RNF217: variants seen among roughly 807,000 people sequenced by gnomAD.
RNF217 encodes the protein ring finger protein 217.
RNF217 carries 31 observed loss-of-function variants against 57.8 expected under a neutral mutation model. The ratio of observed to expected loss-of-function variants is 0.54; its 90% CI spans 0.40 to 0.72. RNF217 has a LOEUF of 0.72. RNF217 is among the 30% of genes least tolerant of loss of function. The pLI, the probability that RNF217 is intolerant of heterozygous loss-of-function variation, is 0.00. For missense variants in RNF217, 696 were observed against 708.3 expected (o/e 0.98, Z 0.20); for synonymous variants, 313 against 294.0 (o/e 1.06, Z -0.66).
chr6:125,066,329 T>C (rs554999), intron 3 of RNF217, among the ~76,000 whole-genome samples: 101,100 of 152,084 alleles, frequency 0.66, 35,626 homozygotes, highest in African/African-American at 0.89. Flanking sequence ...AAAAGTTAGT[T>C]CTATGATGAC....
rs1356827281 is a variant in RNF217, at chr6:124,963,200, A to ACGG, written c.661_663dup (p.Gly221dup). 38 of 1,535,460 alleles carry ACGG rather than the reference A, an allele frequency of 2.5e-5. No individual in the cohort carries two copies. Among genetic ancestry groups the ACGG allele is most frequent in the Middle Eastern group, 1.7e-4 (1 of 6,012 alleles). ...CTCCCAACGGATTCCCTCTCCCCCG[A>ACGG]CGGCGGCAGCATCGAGCTGGAGTTC... On this transcript the variant is annotated inframe_insertion, in exon 1 of 6. Coordinates refer to ENST00000521654, the MANE Select transcript of RNF217 (RefSeq NM_001286398.3).
intron 1 of RNF217, among the ~76,000 whole-genome samples, chr6:125,018,901 A>C (rs1036883895): frequency 6.6e-6 from 1 of 152,226 alleles, no homozygotes; most frequent in East Asian, 1.9e-4. Flanking sequence ...AATCCATATA[A>C]AGGGTGGTAA....
intron 1 of RNF217, among the ~76,000 whole-genome samples, chr6:125,043,702 A>T (rs1786976728): frequency 6.6e-6 from 1 of 152,076 alleles, no homozygotes; most frequent in Non-Finnish European, 1.5e-5. Context: ...ACGTAATTTG[A>T]ATTATAATAG....
intron 3 of RNF217, among the ~76,000 whole-genome samples, chr6:125,059,402 C>G (rs530999): frequency 0.023 from 3,491 of 152,182 alleles, 124 homozygotes; most frequent in African/African-American, 0.076. Flanking sequence ...GGCCTTCCCC[C>G]CTTTCTCTTG....
At chr6:124,976,505 A>G (rs1407734358) in intron 1 of RNF217, among the ~76,000 whole-genome samples, 4 of 151,778 alleles carry the variant, frequency 2.6e-5, no homozygotes. Flanking sequence ...CCTGACCTCA[A>G]GATCCACCTG....
intron 1 of RNF217, among the ~76,000 whole-genome samples, chr6:124,963,702 G>A (rs576351947): frequency 6.6e-6 from 1 of 152,334 alleles, no homozygotes; most frequent in Non-Finnish European, 1.5e-5. Context: ...TTCTTATACA[G>A]GATTGCAAGC....
intron 1 of RNF217, among the ~76,000 whole-genome samples, chr6:124,988,324 A>C (rs1262468231): frequency 6.6e-6 from 1 of 152,202 alleles, no homozygotes; most frequent in African/African-American, 2.4e-5. Flanking sequence ...CGTATTCTGA[A>C]AAGTTTCAAC....
chr6:125,052,555 G>A (rs981749698), intron 2 of RNF217, among the ~76,000 whole-genome samples: 1 of 151,950 alleles, frequency 6.6e-6, no homozygotes, highest in African/African-American at 2.4e-5. Flanking sequence ...GAAATATCAG[G>A]GAGTAAGATT....
chr6:124,995,739 TGGCAA>T, intron 1 of RNF217, among the ~76,000 whole-genome samples: 1 of 152,006 alleles, frequency 6.6e-6, no homozygotes, highest in Non-Finnish European at 1.5e-5. Context: ...CTGACCAACA[TGGCAA>T]AACCCCATCT....
At chr6:125,004,575 A>G (rs946241212) in intron 1 of RNF217, among the ~76,000 whole-genome samples, 1 of 152,246 alleles carries the variant, frequency 6.6e-6, no homozygotes, top group Non-Finnish European at 1.5e-5. Flanking sequence ...AGGTAGGTAC[A>G]GAAGTGTTCT....
intron 2 of RNF217, chr6:125,048,373 C>A: frequency 1.3e-6 from 1 of 789,240 alleles, no homozygotes; most frequent in Non-Finnish European, 1.9e-6. Flanking sequence ...TTCAAGTACT[C>A]ACACACAATA....
At chr6:125,014,126 C>T (rs1313130481) in intron 1 of RNF217, among the ~76,000 whole-genome samples, 2 of 152,156 alleles carry the variant, frequency 1.3e-5, no homozygotes, top group African/African-American at 4.8e-5. Flanking sequence ...TCAGGTAGCA[C>T]CATTTACATT....
chr6:124,995,560 A>G (rs987946758), intron 1 of RNF217, among the ~76,000 whole-genome samples: 2 of 152,074 alleles, frequency 1.3e-5, no homozygotes, highest in African/African-American at 4.8e-5. Flanking sequence ...CAATTTGTTC[A>G]TTTTTCATTG....
At chr6:125,072,916 A>G (rs1278178404) in intron 3 of RNF217, among the ~76,000 whole-genome samples, 1 of 152,138 alleles carries the variant, frequency 6.6e-6, no homozygotes, top group East Asian at 1.9e-4. Flanking sequence ...ACTTTTCTGA[A>G]CTCTGTTTAT....
At chr6:124,980,428 G>A (rs969131278) in intron 1 of RNF217, among the ~76,000 whole-genome samples, 1 of 152,164 alleles carries the variant, frequency 6.6e-6, no homozygotes, top group Non-Finnish European at 1.5e-5. Context: ...TCAGTTCTAA[G>A]AGAATGTTAT....
chr6:125,013,351 A>ATGTGTG lies in RNF217; in HGVS notation c.883-31827_883-31822dup, dbSNP rs61504994. On this transcript the variant is annotated intron_variant, in intron 1 of 5. Coordinates refer to ENST00000521654, the MANE Select transcript of RNF217 (RefSeq NM_001286398.3). The stretch of plus-strand genomic sequence containing the variant: ...AGGTAGGTGCTTGCATGTTTTGTGT[A>ATGTGTG]TGTGTGTGTGTGTGTGTGTGTGTGT... Among the ~76,000 whole-genome samples the ATGTGTG allele has an allele frequency of 4.2e-3, 587 of 141,278 alleles. 4 individuals carry two copies. The highest frequency in any genetic ancestry group is 0.014 in the African/African-American group (514 of 35,814). 92.7% of individuals were successfully genotyped at this position (141,278 alleles called of 152,430 possible).
chr6:124,995,830 G>A (rs1784727908), intron 1 of RNF217, among the ~76,000 whole-genome samples: 1 of 152,118 alleles, frequency 6.6e-6, no homozygotes, highest in Non-Finnish European at 1.5e-5. Context: ...GCTGAGCTAG[G>A]AGAATCATGT....
chr6:125,061,470 A>T (rs1787730446), intron 3 of RNF217, among the ~76,000 whole-genome samples: 1 of 151,654 alleles, frequency 6.6e-6, no homozygotes, highest in African/African-American at 2.4e-5. Context: ...TTTTCTGTTC[A>T]TACCCTTTGC....
chr6:124,965,459 G>C (rs1411695130), intron 1 of RNF217, among the ~76,000 whole-genome samples: 1 of 152,110 alleles, frequency 6.6e-6, no homozygotes, highest in Non-Finnish European at 1.5e-5. Flanking sequence ...TGTAATCCCA[G>C]CTACTTGGAA....
Sources: allele counts gnomAD v4.1 joint callset (sites outside exome capture counted in the v4.1 genomes callset), GRCh38; gene constraint gnomAD v4.1.1; transcripts MANE v1.5; gene names NCBI Gene and HGNC (gene_info 2026-07-23, HGNC 2026-07-21).